The following GALNT11 variants were observed in gnomAD, a reference collection of about 807,000 sequenced individuals.
GALNT11 encodes the protein UDP-GalNAc:polypeptide N-acetylgalactosaminyltransferase 11.
Under a neutral mutation model 72.7 loss-of-function variants are expected in GALNT11, and 47 were observed. The ratio of observed to expected loss-of-function variants is 0.65; its 90% CI spans 0.51 to 0.82. GALNT11 has a LOEUF of 0.82. Ranked by LOEUF, GALNT11 falls within the 40% of genes least tolerant of loss-of-function variation. The pLI, the probability that GALNT11 is intolerant of heterozygous loss-of-function variation, is 0.00. For missense variants in GALNT11, 677 were observed against 778.4 expected, an observed-to-expected ratio of 0.87 and a Z score of 1.55; for synonymous variants, 270 against 286.6, an observed-to-expected ratio of 0.94 and a Z score of 0.58.
chr7:152,029,862 G>T (rs2082221704), intron 1 of GALNT11, among the ~76,000 whole-genome samples: 1 of 152,354 alleles, frequency 6.6e-6, no homozygotes, highest in Non-Finnish European at 1.5e-5. Flanking sequence ...CCCCTGTTAG[G>T]AAACCTGCTG....
At chr7:152,071,591 C>G (rs1288921049) in intron 1 of GALNT11, among the ~76,000 whole-genome samples, 1 of 152,128 alleles carries the variant, frequency 6.6e-6, no homozygotes. Context: ...ACATCTTCCT[C>G]AGCTGACAGG....
chr7:152,070,058 G>A (rs1370270077), intron 1 of GALNT11, among the ~76,000 whole-genome samples: 1 of 149,308 alleles, frequency 6.7e-6, no homozygotes, highest in African/African-American at 2.5e-5. Context: ...GAGCAGTGGT[G>A]TGATCTTGGC....
intron 8 of GALNT11, among the ~76,000 whole-genome samples, chr7:152,115,733 G>A (rs1042518776): frequency 1.3e-5 from 2 of 152,182 alleles, no homozygotes; most frequent in Non-Finnish European, 2.9e-5. Context: ...TACATTTACC[G>A]CCAGGAGCTT....
chr7:152,027,951 C>T (rs927345773), intron 1 of GALNT11, among the ~76,000 whole-genome samples: 1 of 151,708 alleles, frequency 6.6e-6, no homozygotes, highest in Non-Finnish European at 1.5e-5. Flanking sequence ...TGCAGACCTT[C>T]GCAGTGAGTG....
At chr7:152,051,211 T>G (rs895607625) in intron 1 of GALNT11, among the ~76,000 whole-genome samples, 82 of 147,956 alleles carry the variant, frequency 5.5e-4, no homozygotes, top group South Asian at 2.6e-3. Context: ...TTTTTTTTTT[T>G]TTTTTTTTTT....
intron 1 of GALNT11, among the ~76,000 whole-genome samples, chr7:152,069,227 T>C (rs985546358): frequency 6.6e-6 from 1 of 152,218 alleles, no homozygotes; most frequent in Non-Finnish European, 1.5e-5. Flanking sequence ...TTTCTAGATA[T>C]TGGGGGATTT....
chr7:152,121,606 G>T lies in GALNT11; in HGVS notation c.1756G>T (p.Gly586Cys). Residue 586 changes from glycine to cysteine, a missense_variant, in exon 12 of 12, where the codon GGT (glycine) becomes TGT (cysteine). By Grantham distance (159) the Gly-to-Cys change is radical (BLOSUM62 -3). Coordinates refer to ENST00000430044, the MANE Select transcript of GALNT11 (RefSeq NM_022087.4). ...GTGCCTGAGAGCAGTGGATCCCCTGGGTCAGAAGGGCTCTGTCGCCATGGC... is the reference window on the plus strand; with the variant it reads ...GTGCCTGAGAGCAGTGGATCCCCTGTGTCAGAAGGGCTCTGTCGCCATGGC... ...GQCLRAVDPL[G>C]QKGSVAMAIC... The T allele has an allele frequency of 6.2e-7, 1 of 1,614,158 alleles. No homozygotes were observed.
In GALNT11 at chr7:152,094,169, A is replaced by G. The variant is rs113148598; in HGVS notation, c.-38-21A>G. ...TTTAAAGTATACTGAAGTGTCTAAC[A>G]TATTTATTCTTCTTTTTTAGGAAAT... On this transcript the variant is annotated intron_variant, in intron 1 of 11. Transcript: ENST00000430044. The surrounding 1 kb of genome is among the most constrained non-coding windows in gnomAD (Gnocchi z 4.3). 5.9e-6 allele frequency: 9 copies of G among 1,517,738 alleles called. No individual in the cohort carries two copies. The African/African-American group carries it at 7.0e-5, about 12-fold the overall frequency. The allele number at this position is 1,517,738 out of a possible 1,614,324, so 94.0% of individuals were successfully genotyped here.
At chr7:152,032,368 G>A (rs1234843745) in intron 1 of GALNT11, among the ~76,000 whole-genome samples, 2 of 152,188 alleles carry the variant, frequency 1.3e-5, no homozygotes, top group Non-Finnish European at 2.9e-5. Context: ...AGGCATCCTT[G>A]AGGTCCAGAA....
Position 152,117,291 on chromosome 7 carries a change from G to A in GALNT11, c.1368G>A (p.Gln456=), listed in dbSNP as rs1240348694. ...WYLDNVYPEM[Q]ISGSHAKPQQ... The stretch of plus-strand genomic sequence containing the variant: ...TGGATAATGTATACCCAGAGATGCA[G>A]ATATCTGGGTCCCACGCCAAACCCC... Residue 456 remains glutamine (Q), a synonymous_variant, in exon 9 of 12, where the codon CAG becomes CAA. Transcript: ENST00000430044. 1 of 1,614,160 alleles carries A rather than the reference G, an allele frequency of 6.2e-7. No homozygotes were observed. The highest frequency in any genetic ancestry group is 1.1e-5 in the South Asian group (1 of 91,084).
intron 1 of GALNT11, among the ~76,000 whole-genome samples, chr7:152,045,582 A>G (rs1424566679): frequency 2.6e-5 from 4 of 152,122 alleles, no homozygotes; most frequent in African/African-American, 9.7e-5. Context: ...ATAGTTGCTC[A>G]TAGTAGCCTC....
intron 1 of GALNT11, among the ~76,000 whole-genome samples, chr7:152,078,307 T>C (rs997240886): frequency 1.3e-5 from 2 of 152,184 alleles, no homozygotes; most frequent in Non-Finnish European, 2.9e-5. Context: ...ATCCAAGTGA[T>C]TCTTCTGCCT....
At chr7:152,118,854 C>T (rs934832355) in intron 10 of GALNT11, 72 bp downstream of exon 10, 2 of 1,239,464 alleles carry the variant, frequency 1.6e-6, no homozygotes, top group African/African-American at 3.0e-5. Flanking sequence ...TGCTGCCAGT[C>T]ACTCCTGAGG....
chr7:152,031,996 G>A (rs955420137), intron 1 of GALNT11, among the ~76,000 whole-genome samples: 1 of 152,140 alleles, frequency 6.6e-6, no homozygotes, highest in Non-Finnish European at 1.5e-5. Context: ...CAAGGGTCCT[G>A]GTCCCTCTGG....
intron 1 of GALNT11, among the ~76,000 whole-genome samples, chr7:152,028,785 G>A (rs1239206425): frequency 1.3e-5 from 2 of 152,178 alleles, no homozygotes; most frequent in Non-Finnish European, 2.9e-5. Flanking sequence ...TGCAATTGTA[G>A]TGTCCTCCAG....
At chr7:152,035,069 T>C (rs932766550) in intron 1 of GALNT11, among the ~76,000 whole-genome samples, 2 of 152,176 alleles carry the variant, frequency 1.3e-5, no homozygotes, top group Non-Finnish European at 2.9e-5. Flanking sequence ...GGAAGAGTGA[T>C]GCCTTTTTGT....
intron 1 of GALNT11, among the ~76,000 whole-genome samples, chr7:152,050,186 C>T (rs979693295): frequency 6.6e-6 from 1 of 152,108 alleles, no homozygotes; most frequent in Non-Finnish European, 1.5e-5. Context: ...AAGTCCCTTT[C>T]TGTAGCCACC....
At chr7:152,037,524 C>T (rs1480337619) in intron 1 of GALNT11, among the ~76,000 whole-genome samples, 1 of 152,022 alleles carries the variant, frequency 6.6e-6, no homozygotes, top group Non-Finnish European at 1.5e-5. Flanking sequence ...CAAGTAATGT[C>T]ATTCCTTCAG....
In GALNT11 at chr7:152,108,140, C is replaced by T; in HGVS notation, c.815C>T (p.Pro272Leu). The stretch of plus-strand genomic sequence containing the variant: ...GAGGACCGGCACACCGTGGTGTGCC[C>T]AGTGATTGACATCATCAGCGCCGAC... ...IREDRHTVVC[P>L]VIDIISADTL... The change falls in exon 6 of 12, where the codon CCA becomes CTA. Residue 272 changes from proline to leucine, a missense_variant. Pro to Leu is a moderately conservative substitution (Grantham distance 98). Transcript: ENST00000430044. The T allele has an allele frequency of 6.2e-7, 1 of 1,614,140 alleles. No individual in the cohort carries two copies. The highest frequency in any genetic ancestry group is 8.5e-7 in the Non-Finnish European group (1 of 1,180,032).
Sources: allele counts gnomAD v4.1 joint callset (sites outside exome capture counted in the v4.1 genomes callset), GRCh38; gene constraint gnomAD v4.1.1; non-coding constraint Gnocchi (gnomAD v3.1); transcripts MANE v1.5; gene names NCBI Gene and HGNC (gene_info 2026-07-23, HGNC 2026-07-21).